Variants in ZFHX3 observed in about 807,000 individuals in gnomAD.
ZFHX3 encodes zinc finger homeobox protein 3.
In ZFHX3, 42 loss-of-function variants were observed where a neutral mutation model predicts 279.1. That is an observed-to-expected ratio of 0.15 (90% CI 0.12 to 0.19). The LOEUF is 0.19. ZFHX3 is among the 10% of genes least tolerant of loss of function. The probability of loss-of-function intolerance (pLI) is 1.00; values close to 1 mark genes in which losing one functional copy is unlikely to be tolerated. For missense variants in ZFHX3, 4,981 were observed against 4,754.0 expected (o/e 1.05, Z -1.40); for synonymous variants, 2,293 against 1,957.8 (o/e 1.17, Z -4.52).
chr16:73,417,358 A>G (rs1453736824), intron 3 of ZFHX3, among the ~76,000 whole-genome samples: 1 of 146,624 alleles, frequency 6.8e-6, no homozygotes, highest in Non-Finnish European at 1.5e-5. Flanking sequence ...TGGTATTAGT[A>G]TTGTACCCAT....
intron 9 of ZFHX3, chr16:72,789,527 A>C (rs1172158292): frequency 6.6e-6 from 1 of 152,392 alleles, no homozygotes; most frequent in Non-Finnish European, 1.5e-5. Flanking sequence ...AAGGCAAGAA[A>C]GCTAGCACGG....
At chr16:73,621,036 G>A (rs2052355375) in intron 2 of ZFHX3, among the ~76,000 whole-genome samples, 1 of 152,308 alleles carries the variant, frequency 6.6e-6, no homozygotes, top group Non-Finnish European at 1.5e-5. Context: ...TCTTCCAAGG[G>A]GGTTGTAATT....
At chr16:73,275,819 G>C (rs1308027835) in intron 4 of ZFHX3, among the ~76,000 whole-genome samples, 1 of 152,160 alleles carries the variant, frequency 6.6e-6, no homozygotes, top group Admixed American at 6.6e-5. Context: ...TCTTCAATTT[G>C]TAAAAAATGC....
At chr16:73,839,478 A>C (rs74030905) in intron 1 of ZFHX3, among the ~76,000 whole-genome samples, 4,875 of 152,186 alleles carry the variant, frequency 0.032, 272 homozygotes, top group African/African-American at 0.11. Context: ...AGGTTGGAAG[A>C]TAATCCTTGC....
intron 8 of ZFHX3, among the ~76,000 whole-genome samples, chr16:73,066,519 A>T (rs1965756066): frequency 6.6e-6 from 1 of 151,954 alleles, no homozygotes; most frequent in Non-Finnish European, 1.5e-5. Context: ...AGGCCAGTGC[A>T]GAGTCGCCGC....
At chr16:73,265,015 C>CATATATATATAT (rs59599339) in intron 4 of ZFHX3, among the ~76,000 whole-genome samples, 1,454 of 142,060 alleles carry the variant, frequency 0.01, 28 homozygotes, top group East Asian at 0.087. Flanking sequence ...CACCTCAGTG[C>CATATATATATAT]ATATATATAT....
At chr16:72,998,728 C>A (rs935106011) in intron 1 of ZFHX3, among the ~76,000 whole-genome samples, 2 of 152,200 alleles carry the variant, frequency 1.3e-5, no homozygotes, top group African/African-American at 4.8e-5. Flanking sequence ...GTAGTTCTCA[C>A]TCACAGACTT....
chr16:72,816,993 G>GCT (rs1461008624), intron 5 of ZFHX3, among the ~76,000 whole-genome samples: 4 of 152,214 alleles, frequency 2.6e-5, no homozygotes, highest in African/African-American at 9.7e-5. Context: ...ATAGGGAAGA[G>GCT]AGCTGATAAG....
intron 3 of ZFHX3, among the ~76,000 whole-genome samples, chr16:72,895,894 C>T (rs559558787): frequency 3.0e-4 from 42 of 139,916 alleles, no homozygotes; most frequent in African/African-American, 1.7e-4. Context: ...GATAGATAGA[C>T]GGATAGATAG....
rs999838244 is a variant in ZFHX3, at chr16:73,187,733, T to G, written c.-1103-43902A>C. Among the ~76,000 whole-genome samples the G allele has an allele frequency of 2.0e-5, 3 of 152,264 alleles. No individual in the cohort carries two copies. The East Asian group carries it at 5.8e-4, about 29-fold the overall frequency. ...TTGGGTGATCCTGGCTTTGTTCACGTGAAGTGGTGACACTTTCATGATGCT... is the reference window on the plus strand; with the variant it reads ...TTGGGTGATCCTGGCTTTGTTCACGGGAAGTGGTGACACTTTCATGATGCT... On this transcript the variant is annotated intron_variant, in intron 5 of 17. Coordinates refer to the ZFHX3 transcript ENST00000641206.
At chr16:73,057,350 C>A (rs1175753837) in intron 1 of ZFHX3, among the ~76,000 whole-genome samples, 1 of 152,146 alleles carries the variant, frequency 6.6e-6, no homozygotes, top group Non-Finnish European at 1.5e-5. Context: ...AGTACTGAGT[C>A]CATACACAAC....
intron 1 of ZFHX3, among the ~76,000 whole-genome samples, chr16:73,763,808 G>T (rs2142284641): frequency 6.6e-6 from 1 of 152,090 alleles, no homozygotes; most frequent in Middle Eastern, 3.4e-3. Context: ...AGGGTCCTGG[G>T]GTCAGAGACT....
chr16:73,851,281 G>A (rs1284563548), intron 1 of ZFHX3, among the ~76,000 whole-genome samples: 3 of 152,094 alleles, frequency 2.0e-5, no homozygotes, highest in Admixed American at 6.5e-5. Flanking sequence ...CCAGAGGTGC[G>A]GTCACATTTT....
At chr16:73,438,079 C>T (rs1371026166) in intron 3 of ZFHX3, among the ~76,000 whole-genome samples, 2 of 149,924 alleles carry the variant, frequency 1.3e-5, no homozygotes, top group Non-Finnish European at 2.9e-5. Flanking sequence ...CGCTCTAAAC[C>T]TAAAAAAAAA....
chr16:72,946,899 G>T (rs1036503396), intron 3 of ZFHX3, among the ~76,000 whole-genome samples: 4 of 152,222 alleles, frequency 2.6e-5, no homozygotes, highest in Non-Finnish European at 4.4e-5. Flanking sequence ...CCGGAGCTCA[G>T]TCCCAGTTGA....
chr16:73,036,425 A>C (rs933014317), intron 1 of ZFHX3, among the ~76,000 whole-genome samples: 1 of 152,032 alleles, frequency 6.6e-6, no homozygotes, highest in African/African-American at 2.4e-5. Context: ...TTGTGGGGGG[A>C]AAAGGAGTTT....
chr16:73,742,879 T>G (rs545074274), intron 1 of ZFHX3, among the ~76,000 whole-genome samples: 56 of 152,208 alleles, frequency 3.7e-4, no homozygotes, highest in Non-Finnish European at 5.7e-4. Context: ...CAAATGCACT[T>G]TCAATAAGGA....
chr16:73,131,954 C>G (rs1966691224), intron 6 of ZFHX3, among the ~76,000 whole-genome samples: 1 of 151,996 alleles, frequency 6.6e-6, no homozygotes, highest in Non-Finnish European at 1.5e-5. Context: ...CACAGAGATG[C>G]TAGGTATTAT....
At chr16:73,012,468 G>C (rs1963948564) in intron 1 of ZFHX3, among the ~76,000 whole-genome samples, 1 of 152,116 alleles carries the variant, frequency 6.6e-6, no homozygotes, top group South Asian at 2.1e-4. Flanking sequence ...GAATGTGTTA[G>C]GTTCTGGGCA....
Sources: gnomAD v4.1 joint callset for allele counts (sites outside exome capture counted in the v4.1 genomes callset) on GRCh38, gnomAD v4.1.1 for gene constraint, MANE v1.5 for transcripts, NCBI Gene and HGNC (gene_info 2026-07-23, HGNC 2026-07-21) for gene names.